TMEM183A: variants seen among roughly 807,000 people sequenced by gnomAD.
TMEM183A encodes chromosome 1 open reading frame 37.
A neutral mutation model predicts 46.7 loss-of-function variants in TMEM183A; 21 were observed. The observed-to-expected ratio is 0.45, with a 90% CI of 0.32 to 0.65. The LOEUF (loss-of-function observed/expected upper bound fraction) is 0.65, where lower values mean the gene tolerates loss of function less well. Ranked by LOEUF, TMEM183A falls within the 30% of genes least tolerant of loss-of-function variation. TMEM183A has a pLI of 0.04. For synonymous variants in TMEM183A, 165 were observed against 180.2 expected (o/e 0.92, Z 0.68); for missense variants, 331 against 481.9 (o/e 0.69, Z 2.93).
chr1:203,009,264 G>C (rs1656314270), intron 3 of TMEM183A, among the ~76,000 whole-genome samples: 1 of 152,218 alleles, frequency 6.6e-6, no homozygotes, highest in Non-Finnish European at 1.5e-5. Flanking sequence ...GGGCTTTTAA[G>C]TGCTCTGCAA....
chr1:203,007,596 G>A (rs765556765), intron 1 of TMEM183A, 22 bp downstream of exon 1: 22 of 1,537,036 alleles, frequency 1.4e-5, no homozygotes, highest in Non-Finnish European at 1.8e-5. Flanking sequence ...GGGCAGGGGC[G>A]CTGAAACATT....
intron 5 of TMEM183A, chr1:203,017,932 T>C: frequency 2.0e-6 from 2 of 986,280 alleles, no homozygotes; most frequent in Non-Finnish European, 2.4e-6. Flanking sequence ...ACTTCACTTC[T>C]TGTGCTTAAC....
rs189098901 is a variant in TMEM183A, at chr1:203,020,186, G to A, written c.790-607G>A. 2.0e-3 allele frequency among the ~76,000 whole-genome samples: 298 copies of A among 152,204 alleles called. 4 individuals are homozygous for A. Among genetic ancestry groups the A allele is most frequent in the African/African-American group, 6.6e-3 (273 of 41,500 alleles). Reference sequence around the variant, plus strand: ...CCTATTGATTTATTTCAAAAACATGGTTCTGGGGAAGAATTTTAGTTCTGA... The same window carrying A: ...CCTATTGATTTATTTCAAAAACATGATTCTGGGGAAGAATTTTAGTTCTGA... On this transcript the variant is annotated intron_variant, in intron 6 of 7. Coordinates refer to ENST00000367242, the MANE Select transcript of TMEM183A (RefSeq NM_138391.6).
chr1:203,020,796 C>G lies in TMEM183A; in HGVS notation c.793C>G (p.Pro265Ala), dbSNP rs558028402. 1 of 1,613,734 alleles carries G rather than the reference C, an allele frequency of 6.2e-7. No individual in the cohort carries two copies. The highest frequency in any genetic ancestry group is 2.2e-5 in the East Asian group (1 of 44,860). The change falls in exon 7 of 8, where the codon CCT (proline) becomes GCT (alanine). Residue 265 changes from proline (P) to alanine (A), a missense_variant. By Grantham distance (27) the Pro-to-Ala change is conservative. Transcript: ENST00000367242. The stretch of plus-strand genomic sequence containing the variant: ...ATTAATTCTCAGTTCTCTTCAGTCC[C>G]CTAGGTTAAAGAGCAAGTGTACAGG... ...EFNFKFKKQSPRLKSKCTGGL... is the reference protein window; with the variant it reads ...EFNFKFKKQSARLKSKCTGGL...
At chr1:203,011,075 C>T (rs1429580439) in intron 3 of TMEM183A, among the ~76,000 whole-genome samples, 2 of 152,204 alleles carry the variant, frequency 1.3e-5, no homozygotes, top group Non-Finnish European at 2.9e-5. Context: ...AATAATGCTG[C>T]TGTGAACATT....
rs1454103009 is a variant in TMEM183A, at chr1:203,015,198, C to CT, written c.527+151dup. The CT allele has an allele frequency of 5.4e-6, 6 of 1,114,672 alleles. No individual in the cohort carries two copies. In the African/African-American group the frequency reaches 9.5e-5, roughly 18 times the overall value. The allele number at this position is 1,114,672 out of a possible 1,614,324, so 69.0% of individuals were successfully genotyped here. A position where few individuals can be genotyped will look rare whatever the true frequency, so the allele number is the denominator to read the frequency against. On this transcript the variant is annotated intron_variant, in intron 4 of 7. Coordinates refer to ENST00000367242, the MANE Select transcript of TMEM183A (RefSeq NM_138391.6). ...AGCTTTGGACTCCTTGAGCCCCTCTCTAATTTAAATTTGATATTATTAATT... is the reference window on the plus strand; with the variant it reads ...AGCTTTGGACTCCTTGAGCCCCTCTCTTAATTTAAATTTGATATTATTAATT...
rs1461187744 is a variant in TMEM183A at position 203,018,603 on chromosome 1, T to C, written c.789+42T>C. The C allele has an allele frequency of 2.5e-6, 4 of 1,585,726 alleles. No homozygotes were observed. In the South Asian group the frequency reaches 4.5e-5, roughly 18 times the overall value. The stretch of plus-strand genomic sequence containing the variant: ...TTGTTTTTCAGATAATACCTTGTTC[T>C]AAGAGATTTCCCTAGATATCTTTCT... On this transcript the variant is annotated intron_variant, in intron 6 of 7. Coordinates refer to ENST00000367242, the MANE Select transcript of TMEM183A (RefSeq NM_138391.6).
At chr1:203,011,851 C>T (rs1423470615) in intron 3 of TMEM183A, among the ~76,000 whole-genome samples, 1 of 145,320 alleles carries the variant, frequency 6.9e-6, no homozygotes, top group Non-Finnish European at 1.5e-5. Context: ...TTAGGTTTCT[C>T]CATTCCATCA....
rs375778474 is a variant in TMEM183A at position 203,007,460 on chromosome 1, G to T, written c.-6G>T. On this transcript the variant is annotated 5_prime_UTR_variant, in exon 1 of 8. Transcript: ENST00000367242. ...GGCTCCCGGGGCCGGCTCTCCGGCC[G>T]GAGACATGGCCCGGGGGCCCGGCCC... The T allele has an allele frequency of 2.8e-6, 4 of 1,427,852 alleles. No individual in the cohort carries two copies. Among genetic ancestry groups the T allele is most frequent in the Non-Finnish European group, 3.7e-6 (4 of 1,087,484 alleles). The allele number at this position is 1,427,852 out of a possible 1,614,324, so 88.4% of individuals were successfully genotyped here. A position where few individuals can be genotyped will look rare whatever the true frequency, so the allele number is the denominator to read the frequency against.
intron 6 of TMEM183A, 58 bp from the exon 7 acceptor site, chr1:203,020,735 T>C: frequency 6.2e-7 from 1 of 1,607,712 alleles, no homozygotes. Context: ...TTTGGTGGAC[T>C]CTTAGAGCCA....
chr1:203,010,873 C>T (rs1656506110), intron 3 of TMEM183A, among the ~76,000 whole-genome samples: 6 of 152,186 alleles, frequency 3.9e-5, no homozygotes. Flanking sequence ...TCCTCCAGCC[C>T]TTGGAAACCA....
intron 2 of TMEM183A, 78 bp from the exon 3 acceptor site, chr1:203,008,565 T>A (rs1656224561): frequency 7.8e-7 from 1 of 1,275,284 alleles, no homozygotes; most frequent in African/African-American, 1.5e-5. Context: ...CCTGAATGGA[T>A]GCTGATACCT....
chr1:203,015,165 C>T, intron 4 of TMEM183A, 117 bp downstream of exon 4: 1 of 1,434,248 alleles, frequency 7.0e-7, no homozygotes, highest in South Asian at 1.3e-5. Flanking sequence ...CATGTCTGGG[C>T]ATGACCCAGC....
intron 5 of TMEM183A, among the ~76,000 whole-genome samples, chr1:203,016,489 AG>A (rs1293816011): frequency 6.6e-6 from 1 of 152,202 alleles, no homozygotes; most frequent in Non-Finnish European, 1.5e-5. Context: ...AATTTTTAAG[AG>A]GGGCTTTAAA....
chr1:203,023,094 G>T lies in TMEM183A; in HGVS notation c.*54G>T. The T allele has an allele frequency of 9.3e-7, 1 of 1,071,540 alleles. No individual in the cohort carries two copies. 66.4% of individuals were successfully genotyped at this position (1,071,540 alleles called of 1,614,324 possible). A position where few individuals can be genotyped will look rare whatever the true frequency, so the allele number is the denominator to read the frequency against. On this transcript the variant is annotated 3_prime_UTR_variant, in exon 8 of 8. Transcript: ENST00000367242. ...CTCGAGTGTAGTCCATTAGTAATCA[G>T]ATTCCAGTTTGGACAGGGTGGCTGG...
rs1658016171 is a variant in TMEM183A, at chr1:203,024,560, C to A, written c.*1520C>A. On this transcript the variant is annotated 3_prime_UTR_variant, in exon 8 of 8. Transcript: ENST00000367242. ...GCTTAATTTTGCTGCTAACAGCTAA[C>A]CTTATCCCACGTTGAGGGTGGTATT... is the stretch of plus-strand genomic sequence containing the variant. 1 of 151,322 alleles carries A rather than the reference C, an allele frequency of 6.6e-6. No individual in the cohort carries two copies. The highest frequency in any genetic ancestry group is 1.5e-5 in the Non-Finnish European group (1 of 67,922). The allele number at this position is 151,322 out of a possible 1,614,324, so 9.4% of individuals were successfully genotyped here.
rs767000280 is a variant in TMEM183A at position 203,012,148 on chromosome 1, T to TCACACACACACACA, written c.368-2717_368-2704dup. 2.8e-3 allele frequency among the ~76,000 whole-genome samples: 226 copies of TCACACACACACACA among 79,454 alleles called. 29 individuals carry two copies. The highest frequency in any genetic ancestry group is 0.015 in the Admixed American group (101 of 6,690). The allele number at this position is 79,454 out of a possible 152,430, so 52.1% of individuals were successfully genotyped here. A position where few individuals can be genotyped will look rare whatever the true frequency, so the allele number is the denominator to read the frequency against. On this transcript the variant is annotated intron_variant, in intron 3 of 7. Transcript: ENST00000367242. ...ACTTCAACCATTACCCCCCACTCCATCACACACACACACACACACACACAC... is the reference window on the plus strand; with the variant it reads ...ACTTCAACCATTACCCCCCACTCCATCACACACACACACACACACACACACACACACACACACAC...
Position 203,013,572 on chromosome 1 carries a change from C to T in TMEM183A, c.368-1317C>T, listed in dbSNP as rs1302233944. 6.6e-6 allele frequency among the ~76,000 whole-genome samples: 1 copy of T among 151,408 alleles called. No homozygotes were observed. The highest frequency in any genetic ancestry group is 1.5e-5 in the Non-Finnish European group (1 of 67,892). On this transcript the variant is annotated intron_variant, in intron 3 of 7. Transcript: ENST00000367242. The surrounding 1 kb of genome is among the most constrained non-coding windows in gnomAD (Gnocchi z 4.0). ...TGTCGCCCAGGCTGGAGTGCAGTGG[C>T]GCTATCTCGGCTCACTGCAAGCTCC...
chr1:203,007,409 C>T lies in TMEM183A; in HGVS notation c.-57C>T, dbSNP rs372497767. 5.1e-5 allele frequency: 68 copies of T among 1,341,036 alleles called. No homozygotes were observed. Among genetic ancestry groups the T allele is most frequent in the South Asian group, 1.4e-4 (8 of 56,596 alleles). The allele number at this position is 1,341,036 out of a possible 1,614,324, so 83.1% of individuals were successfully genotyped here. The stretch of plus-strand genomic sequence containing the variant: ...TTAGCGGCCTCCGGTGTGGGATGGC[C>T]GCGGAGCCGGGCGGAGCTGGCTTGC... On this transcript the variant is annotated 5_prime_UTR_variant, in exon 1 of 8. Transcript: ENST00000367242.
Sources: gnomAD v4.1 joint callset for allele counts (sites outside exome capture counted in the v4.1 genomes callset) on GRCh38, gnomAD v4.1.1 for gene constraint, Gnocchi (gnomAD v3.1) non-coding constraint, MANE v1.5 for transcripts, NCBI Gene and HGNC (gene_info 2026-07-23, HGNC 2026-07-21) for gene names.